Variants in SLC49A4 observed in about 807,000 individuals in gnomAD.
SLC49A4 encodes solute carrier family 49 member 4, also known as disrupted in renal cancer protein 2.
Under a neutral mutation model 50.6 loss-of-function variants are expected in SLC49A4, and 36 were observed. The observed-to-expected ratio is 0.71, with a 90% confidence interval of 0.55 to 0.94. The LOEUF is 0.94. Among genes scored for constraint, SLC49A4 ranks in the 40% least tolerant of loss-of-function variants. The pLI, the probability that SLC49A4 is intolerant of heterozygous loss-of-function variation, is 0.00. For synonymous variants in SLC49A4, 248 were observed against 241.2 expected (o/e 1.03, Z -0.26); for missense variants, 503 against 605.7 (o/e 0.83, Z 1.78).
At chr3:122,866,837 A>G (rs1351987758) in intron 7 of SLC49A4, among the ~76,000 whole-genome samples, 1 of 152,108 alleles carries the variant, frequency 6.6e-6, no homozygotes, top group African/African-American at 2.4e-5. Context: ...ACATTTTACT[A>G]GAATTTAGCA....
At chr3:122,820,596 A>C (rs898032951) in intron 2 of SLC49A4, among the ~76,000 whole-genome samples, 2 of 152,254 alleles carry the variant, frequency 1.3e-5, no homozygotes, top group Non-Finnish European at 2.9e-5. Context: ...TAGATCTTCA[A>C]TTTGAACTTC....
chr3:122,805,596 A>G (rs1011476704), intron 1 of SLC49A4, among the ~76,000 whole-genome samples: 4 of 152,206 alleles, frequency 2.6e-5, no homozygotes, highest in African/African-American at 9.6e-5. Flanking sequence ...GATTTGGGAA[A>G]AATTTGAAGC....
chr3:122,855,097 C>CA (rs767446582), intron 5 of SLC49A4, among the ~76,000 whole-genome samples: 78 of 117,238 alleles, frequency 6.7e-4, no homozygotes, highest in South Asian at 1.3e-3. Flanking sequence ...TGTCTCAAAA[C>CA]AAAAAAAAAA....
intron 7 of SLC49A4, among the ~76,000 whole-genome samples, chr3:122,871,035 G>T (rs1937191716): frequency 6.6e-6 from 1 of 151,998 alleles, no homozygotes; most frequent in Non-Finnish European, 1.5e-5. Context: ...AGAATCTCTT[G>T]AAAATTATGT....
chr3:122,867,108 C>T (rs1386116914), intron 7 of SLC49A4, among the ~76,000 whole-genome samples: 1 of 151,990 alleles, frequency 6.6e-6, no homozygotes, highest in South Asian at 2.1e-4. Context: ...CTAAGTTTTC[C>T]CTCTTATATA....
intron 5 of SLC49A4, among the ~76,000 whole-genome samples, chr3:122,850,528 G>A (rs928067032): frequency 6.7e-6 from 1 of 148,224 alleles, no homozygotes; most frequent in Non-Finnish European, 1.5e-5. Flanking sequence ...TTTTTTTTGA[G>A]ACAGCATCTT....
chr3:122,829,359 AAGCATT>A (rs1210152043), intron 3 of SLC49A4, among the ~76,000 whole-genome samples: 3 of 152,240 alleles, frequency 2.0e-5, no homozygotes, highest in Non-Finnish European at 4.4e-5. Flanking sequence ...GATGAAGAAA[AAGCATT>A]TGACAAATCC....
At chr3:122,859,272 G>T (rs6806333) in intron 6 of SLC49A4, among the ~76,000 whole-genome samples, 67,994 of 151,850 alleles carry the variant, frequency 0.45, 16,002 homozygotes, top group South Asian at 0.55. Flanking sequence ...ATATTGCTGT[G>T]GTAAGCAACC....
intron 3 of SLC49A4, among the ~76,000 whole-genome samples, chr3:122,831,861 G>C (rs1363631823): frequency 6.6e-6 from 1 of 151,808 alleles, no homozygotes; most frequent in East Asian, 1.9e-4. Context: ...CATATTTTAG[G>C]TGCTCATTCA....
chr3:122,872,634 G>C, intron 8 of SLC49A4, 37 bp downstream of exon 8: 1 of 1,473,112 alleles, frequency 6.8e-7, no homozygotes, highest in South Asian at 1.3e-5. Flanking sequence ...ATCTAAATGT[G>C]TTACAAGAAA....
intron 4 of SLC49A4, among the ~76,000 whole-genome samples, chr3:122,841,509 C>G (rs1270090750): frequency 2.6e-5 from 4 of 152,212 alleles, no homozygotes; most frequent in African/African-American, 9.6e-5. Context: ...CTTAGTGTTG[C>G]AGCTGTTAAA....
At chr3:122,797,611 C>T (rs1031249130) in intron 1 of SLC49A4, among the ~76,000 whole-genome samples, 3 of 152,170 alleles carry the variant, frequency 2.0e-5, no homozygotes, top group East Asian at 3.8e-4. Flanking sequence ...TGCTAGATGC[C>T]GAAGAAGGGC....
At chr3:122,878,933 TA>T (rs907185740) in intron 8 of SLC49A4, among the ~76,000 whole-genome samples, 2 of 152,210 alleles carry the variant, frequency 1.3e-5, no homozygotes, top group African/African-American at 2.4e-5. Flanking sequence ...AGAGGGTACT[TA>T]AAAAATAATT....
intron 2 of SLC49A4, among the ~76,000 whole-genome samples, chr3:122,811,351 G>A (rs1035380777): frequency 2.0e-5 from 3 of 152,110 alleles, no homozygotes; most frequent in Non-Finnish European, 2.9e-5. Context: ...TTCAGCTTTC[G>A]TCATAATTAA....
At chr3:122,869,000 G>T (rs926075605) in intron 7 of SLC49A4, among the ~76,000 whole-genome samples, 1 of 152,168 alleles carries the variant, frequency 6.6e-6, no homozygotes, top group African/African-American at 2.4e-5. Flanking sequence ...TGGCTCCTGG[G>T]TATAGACATC....
intron 2 of SLC49A4, among the ~76,000 whole-genome samples, chr3:122,809,563 T>A (rs1936271702): frequency 6.6e-6 from 1 of 152,112 alleles, no homozygotes; most frequent in Admixed American, 6.6e-5. Context: ...TCAAAAAAAA[T>A]ACCTATTAAT....
chr3:122,830,733 CT>C (rs1267107983), intron 3 of SLC49A4, among the ~76,000 whole-genome samples: 1 of 151,944 alleles, frequency 6.6e-6, no homozygotes, highest in Non-Finnish European at 1.5e-5. Flanking sequence ...TAGGTGAAGC[CT>C]TTTTATAAAA....
At chr3:122,813,547 T>A (rs908194406) in intron 2 of SLC49A4, among the ~76,000 whole-genome samples, 1 of 152,162 alleles carries the variant, frequency 6.6e-6, no homozygotes, top group Non-Finnish European at 1.5e-5. Flanking sequence ...ATCATCACAA[T>A]CATGAATGGA....
rs527625703 is a variant in SLC49A4, at chr3:122,828,298, A to T, written c.703+1233A>T. Among the ~76,000 whole-genome samples, 6 of 152,324 alleles carry T rather than the reference A, an allele frequency of 3.9e-5. No homozygotes were observed. In the East Asian group the frequency reaches 1.2e-3, roughly 29 times the overall value. On this transcript the variant is annotated intron_variant, in intron 3 of 8. Coordinates refer to ENST00000261038, the MANE Select transcript of SLC49A4 (RefSeq NM_032839.3). ...AGGGAGTATTATAAACCAAAGGCCT[A>T]CAATTGCTCTGAGAGCTCGGAGAAG... is the stretch of plus-strand genomic sequence containing the variant.
Sources: gnomAD v4.1 joint callset for allele counts (sites outside exome capture counted in the v4.1 genomes callset) on GRCh38, gnomAD v4.1.1 for gene constraint, MANE v1.5 for transcripts, NCBI Gene and HGNC (gene_info 2026-07-23, HGNC 2026-07-21) for gene names.